CRX: variants seen among roughly 807,000 people sequenced by gnomAD.
CRX encodes the protein cone-rod homeobox.
Under a neutral mutation model 13.1 loss-of-function variants are expected in CRX, and 5 were observed. That is an observed-to-expected ratio of 0.38 (90% CI 0.20 to 0.80). CRX has a LOEUF of 0.80. Ranked by LOEUF, CRX falls within the 30% of genes least tolerant of loss-of-function variation. CRX has a pLI of 0.43. For synonymous variants in CRX, 179 were observed against 171.1 expected, an observed-to-expected ratio of 1.05 and a Z score of -0.36; for missense variants, 351 against 391.8, an observed-to-expected ratio of 0.90 and a Z score of 0.88.
chr19:47,833,456 AT>A (rs1222049976), intron 1 of CRX, among the ~76,000 whole-genome samples: 30 of 149,748 alleles, frequency 2.0e-4, no homozygotes, highest in Admixed American at 1.7e-3. Context: ...TAATTTTTGT[AT>A]TTTTAATAGA....
At chr19:47,831,164 G>A (rs4439870) in intron 1 of CRX, among the ~76,000 whole-genome samples, 16,967 of 151,704 alleles carry the variant, frequency 0.11, 1,292 homozygotes, top group Non-Finnish European at 0.16. Flanking sequence ...AAAATTAGCC[G>A]GGCATGGTGG....
chr19:47,823,795 G>A lies in CRX; in HGVS notation c.-36+1785G>A, dbSNP rs76297111. 2.4e-4 allele frequency among the ~76,000 whole-genome samples: 37 copies of A among 152,086 alleles called. No individual in the cohort carries two copies. The East Asian group carries it at 5.8e-3, about 24-fold the overall frequency. ...CTCTCAAGTATCTGGGATTACAGGC[G>A]TGCACCACCATGCCTGGCTTATTTT... On this transcript the variant is annotated intron_variant, in intron 1 of 3. Coordinates refer to ENST00000221996, the MANE Select transcript of CRX (RefSeq NM_000554.6).
At chr19:47,837,415 C>T (rs1019109993) in intron 3 of CRX, among the ~76,000 whole-genome samples, 1 of 152,198 alleles carries the variant, frequency 6.6e-6, no homozygotes, top group Non-Finnish European at 1.5e-5. Flanking sequence ...AATCCTACTG[C>T]CTCGGCCTTC....
intron 1 of CRX, among the ~76,000 whole-genome samples, chr19:47,824,497 G>A (rs150193043): frequency 1.4e-4 from 21 of 152,340 alleles, no homozygotes; most frequent in African/African-American, 4.6e-4. Context: ...CTGGGAGGAA[G>A]TTTCCATGGA....
intron 3 of CRX, among the ~76,000 whole-genome samples, chr19:47,838,856 A>C (rs1968153374): frequency 6.8e-6 from 1 of 147,558 alleles, no homozygotes. Context: ...AGATGGATGG[A>C]TGAAAATGTG....
chr19:47,829,756 AG>A (rs1374618597), intron 1 of CRX, among the ~76,000 whole-genome samples: 6 of 151,220 alleles, frequency 4.0e-5, no homozygotes, highest in African/African-American at 1.5e-4. Context: ...CAGCCTCCTG[AG>A]TAGCTGAGAC....
Position 47,840,094 on chromosome 19 carries a change from A to G in CRX, c.*127A>G. On this transcript the variant is annotated 3_prime_UTR_variant, in exon 4 of 4. Coordinates refer to ENST00000221996, the MANE Select transcript of CRX (RefSeq NM_000554.6). ...AACCCGAACCAGCTGTCCTTCTGACAGCTCGGTGTTCAGCTTACAGAGACC... is the reference window on the plus strand; with the variant it reads ...AACCCGAACCAGCTGTCCTTCTGACGGCTCGGTGTTCAGCTTACAGAGACC... 8.9e-7 allele frequency: 1 copy of G among 1,127,550 alleles called. No individual in the cohort carries two copies. The highest frequency in any genetic ancestry group is 2.0e-5 in the Admixed American group (1 of 50,470). The allele number at this position is 1,127,550 out of a possible 1,614,324, so 69.8% of individuals were successfully genotyped here.
rs1399865787 is a variant in CRX, at chr19:47,839,263, G to A, written c.253-57G>A. On this transcript the variant is annotated intron_variant, in intron 3 of 3. Transcript: ENST00000221996. This position sits in a 1 kb window ranked among gnomAD's most constrained non-coding sequence, Gnocchi z 4.6. ...GTGTCCTCATCCCCGGGCACCCTGC[G>A]GCTCTCCTGGGCCTCTTCCCCACTT... 5 of 1,566,842 alleles carry A rather than the reference G, an allele frequency of 3.2e-6. No homozygotes were observed. Among genetic ancestry groups the A allele is most frequent in the East Asian group, 2.2e-5 (1 of 44,514 alleles).
chr19:47,822,210 GT>G (rs1257137635), intron 1 of CRX, among the ~76,000 whole-genome samples, 200 bp downstream of exon 1: 1 of 152,162 alleles, frequency 6.6e-6, no homozygotes, highest in East Asian at 1.9e-4. Context: ...AGGGAGTAAG[GT>G]TAGACAGCAG....
chr19:47,831,909 A>G (rs1460363045), intron 1 of CRX, among the ~76,000 whole-genome samples: 3 of 150,048 alleles, frequency 2.0e-5, no homozygotes, highest in Middle Eastern at 3.2e-3. Flanking sequence ...CGCCCGGATA[A>G]TTTTTGTATT....
Position 47,834,487 on chromosome 19 carries a change from C to T in CRX, c.44C>T (p.Ala15Val), listed in dbSNP as rs1318083411. 1.9e-6 allele frequency: 3 copies of T among 1,614,186 alleles called. No homozygotes were observed. The East Asian group carries it at 6.7e-5, about 36-fold the overall frequency. ...MNPGPHYSVN[A>V]LALSGPSVDL... The stretch of plus-strand genomic sequence containing the variant: ...CCGGGGCCCCACTATTCTGTCAACG[C>T]CTTGGCCCTAAGTGGCCCCAGTGTG... The change falls in exon 2 of 4, where the codon GCC becomes GTC. Residue 15 changes from alanine to valine, a missense_variant. Ala to Val is a moderately conservative substitution (Grantham distance 64). Coordinates refer to ENST00000221996, the MANE Select transcript of CRX (RefSeq NM_000554.6).
Position 47,829,242 on chromosome 19 carries a change from A to G in CRX, c.-35-5167A>G, listed in dbSNP as rs552108108. 8.6e-5 allele frequency among the ~76,000 whole-genome samples: 13 copies of G among 151,982 alleles called. No individual in the cohort carries two copies. The South Asian group carries it at 2.1e-3, about 24-fold the overall frequency. ...GAGGGTCTCCTGCCTCCGCTTCCCA[A>G]GTAGCTGGGATTACAGGCATGCACC... On this transcript the variant is annotated intron_variant, in intron 1 of 3. Transcript: ENST00000221996.
intron 3 of CRX, among the ~76,000 whole-genome samples, chr19:47,837,674 GATGT>G (rs1230044801): frequency 5.9e-5 from 9 of 152,148 alleles, no homozygotes; most frequent in Admixed American, 5.2e-4. Context: ...ACATGCATAT[GATGT>G]ATGTATGATT....
chr19:47,830,261 G>A (rs1399359032), intron 1 of CRX, among the ~76,000 whole-genome samples: 1 of 151,766 alleles, frequency 6.6e-6, no homozygotes, highest in Admixed American at 6.6e-5. Flanking sequence ...GTGAGCTATG[G>A]CAACGCCGCT....
chr19:47,823,453 A>T (rs976233537), intron 1 of CRX, among the ~76,000 whole-genome samples: 2 of 152,118 alleles, frequency 1.3e-5, no homozygotes, highest in Non-Finnish European at 2.9e-5. Flanking sequence ...TCAGGCTCTA[A>T]CTGTGCCGTG....
intron 1 of CRX, among the ~76,000 whole-genome samples, chr19:47,828,714 G>A (rs1968006736): frequency 6.6e-6 from 1 of 151,668 alleles, no homozygotes. Context: ...TAGCTGGTGA[G>A]AGGGGCTTTG....
At chr19:47,825,126 G>C (rs995867867) in intron 1 of CRX, among the ~76,000 whole-genome samples, 2 of 151,546 alleles carry the variant, frequency 1.3e-5, no homozygotes, top group African/African-American at 2.4e-5. Context: ...CAGAAGCTGG[G>C]ACAACACCAT....
intron 2 of CRX, among the ~76,000 whole-genome samples, chr19:47,835,811 C>T (rs894903763): frequency 1.3e-5 from 2 of 151,656 alleles, no homozygotes; most frequent in Non-Finnish European, 2.9e-5. Flanking sequence ...TTAGTAGAGA[C>T]AGGGGTTCCC....
chr19:47,839,924 T>C lies in CRX; in HGVS notation c.857T>C (p.Leu286Pro), dbSNP rs886054547. ...WKFTYNPMDPLDYKDQSAWKF... is the reference protein window; with the variant it reads ...WKFTYNPMDPPDYKDQSAWKF... ...TTCACCTACAATCCCATGGACCCTC[T>C]GGACTACAAGGATCAGAGTGCCTGG... The change falls in exon 4 of 4, where the codon CTG becomes CCG. Residue 286 changes from leucine to proline, a missense_variant. Leu to Pro is a moderately conservative substitution (Grantham distance 98). Around this residue, in one of 3 missense-constraint regions of CRX, gnomAD observed 253 missense variants for 268.3 expected, o/e 0.94. Transcript: ENST00000221996. The surrounding 1 kb of genome is among the most constrained non-coding windows in gnomAD (Gnocchi z 4.6). 5 of 1,614,070 alleles carry C rather than the reference T, an allele frequency of 3.1e-6. No individual in the cohort carries two copies. The highest frequency in any genetic ancestry group is 1.1e-5 in the South Asian group (1 of 91,088).
Sources: gnomAD v4.1 joint callset for allele counts (sites outside exome capture counted in the v4.1 genomes callset) on GRCh38, gnomAD v4.1.1 for gene constraint, gnomAD v4.1.1 regional missense constraint, Gnocchi (gnomAD v3.1) non-coding constraint, MANE v1.5 for transcripts, NCBI Gene and HGNC (gene_info 2026-07-23, HGNC 2026-07-21) for gene names.